The following C9orf40 variants were observed in gnomAD, a reference collection of about 807,000 sequenced individuals.
The protein encoded by C9orf40 is uncharacterized protein C9orf40.
In C9orf40, 2 loss-of-function variants were observed where a neutral mutation model predicts 7.9. The observed-to-expected ratio is 0.25, with a 90% CI of 0.10 to 0.80. C9orf40 has a LOEUF of 0.80. Among genes scored for constraint, C9orf40 ranks in the 30% least tolerant of loss-of-function variants. C9orf40 has a pLI of 0.68. For missense variants in C9orf40, 256 were observed against 268.5 expected, an observed-to-expected ratio of 0.95 and a Z score of 0.33; for synonymous variants, 113 against 117.6, an observed-to-expected ratio of 0.96 and a Z score of 0.25.
intron 1 of C9orf40, among the ~76,000 whole-genome samples, chr9:74,951,317 C>A (rs913972339): frequency 6.6e-6 from 1 of 151,734 alleles, no homozygotes; most frequent in African/African-American, 2.4e-5. Context: ...TTTGAGACAG[C>A]GTCTCACTCT....
chr9:74,950,385 A>G (rs576550341), intron 1 of C9orf40, among the ~76,000 whole-genome samples: 3 of 152,328 alleles, frequency 2.0e-5, no homozygotes, highest in South Asian at 2.1e-4. Context: ...TGTATTCTGT[A>G]TTCTGGTAGG....
chr9:74,952,190 C>A lies in C9orf40; in HGVS notation c.422G>T (p.Arg141Leu). 3 of 229,786 alleles carry A rather than the reference C, an allele frequency of 1.3e-5. No homozygotes were observed. The highest frequency in any genetic ancestry group is 1.5e-4 in the South Asian group (1 of 6,788). The allele number at this position is 229,786 out of a possible 1,614,324, so 14.2% of individuals were successfully genotyped here. Residue 141 changes from arginine to leucine, a missense_variant, in exon 1 of 2, where the codon CGC (arginine) becomes CTC (leucine). By Grantham distance (102) the Arg-to-Leu change is moderately radical. Transcript: ENST00000376854. The surrounding 1 kb of genome is among the most constrained non-coding windows in gnomAD (Gnocchi z 5.4). ...PPRGDWGVAS[R>L]QHNEEFWQYN... Reference sequence around the variant, plus strand: ...CCACCCGCCCCCAGCCCCTACCTGGCGCGATGCGACCCCCCAGTCTCCCCG... The same window carrying A: ...CCACCCGCCCCCAGCCCCTACCTGGAGCGATGCGACCCCCCAGTCTCCCCG...
chr9:74,952,671 G>C lies in C9orf40; in HGVS notation c.-60C>G. ...GGGAGACCGAGTGCCGATAGCTGCG[G>C]GGGGCGAAGAGCGAGGACTGAGCGC... is the stretch of plus-strand genomic sequence containing the variant. On this transcript the variant is annotated 5_prime_UTR_variant, in exon 1 of 2. Transcript: ENST00000376854. This position sits in a 1 kb window ranked among gnomAD's most constrained non-coding sequence, Gnocchi z 5.4. The C allele has an allele frequency of 6.9e-7, 1 of 1,447,190 alleles. No homozygotes were observed. The highest frequency in any genetic ancestry group is 1.3e-5 in the South Asian group (1 of 77,166). 89.6% of individuals were successfully genotyped at this position (1,447,190 alleles called of 1,614,324 possible).
At position 74,952,703 on chromosome 9, in the gene C9orf40, G is replaced by A. The variant is rs1832322082; in HGVS notation, c.-92C>T. 3.2e-6 allele frequency: 4 copies of A among 1,253,558 alleles called. No individual in the cohort carries two copies. Among genetic ancestry groups the A allele is most frequent in the South Asian group, 1.5e-5 (1 of 67,472 alleles). The allele number at this position is 1,253,558 out of a possible 1,614,324, so 77.7% of individuals were successfully genotyped here. A position where few individuals can be genotyped will look rare whatever the true frequency, so the allele number is the denominator to read the frequency against. ...AAGAGCGAGGACTGAGCGCGTGAGA[G>A]AGGGACAGGCCGAAGTCGGGCGAGG... On this transcript the variant is annotated 5_prime_UTR_variant, in exon 1 of 2. Transcript: ENST00000376854. This position sits in a 1 kb window ranked among gnomAD's most constrained non-coding sequence, Gnocchi z 5.4.
chr9:74,952,737 G>C lies in C9orf40; in HGVS notation c.-126C>G. On this transcript the variant is annotated 5_prime_UTR_variant, in exon 1 of 2. Transcript: ENST00000376854. This position sits in a 1 kb window ranked among gnomAD's most constrained non-coding sequence, Gnocchi z 5.4. ...GCCGAAGTCGGGCGAGGAGGCGACA[G>C]GACGCTGGAGGGGGTAGGGCGGGGC... is the stretch of plus-strand genomic sequence containing the variant. The C allele has an allele frequency of 1.3e-5, 11 of 846,482 alleles. No individual in the cohort carries two copies. Among genetic ancestry groups the C allele is most frequent in the Non-Finnish European group, 1.9e-5 (11 of 568,718 alleles). The allele number at this position is 846,482 out of a possible 1,614,324, so 52.4% of individuals were successfully genotyped here.
At chr9:74,948,257 AAGTTTT>A (rs760268358) in intron 1 of C9orf40, 51 bp from the exon 2 acceptor site, 1 of 1,430,574 alleles carries the variant, frequency 7.0e-7, no homozygotes, top group Non-Finnish European at 9.4e-7. Context: ...AGAAAAAATT[AAGTTTT>A]TTTCAGAAAA....
Position 74,952,487 on chromosome 9 carries a change from T to G in C9orf40, c.125A>C (p.His42Pro). The change falls in exon 1 of 2, where the codon CAT (histidine) becomes CCT (proline). Residue 42 changes from histidine to proline, a missense_variant. By Grantham distance (77) the His-to-Pro change is moderately conservative. Coordinates refer to ENST00000376854, the MANE Select transcript of C9orf40 (RefSeq NM_017998.3). This position sits in a 1 kb window ranked among gnomAD's most constrained non-coding sequence, Gnocchi z 5.4. ...TGGGACGCCGAGGAGCTGCCCAGCATGCGCGACCCCGGGCGGCCGGATCCA... is the reference window on the plus strand; with the variant it reads ...TGGGACGCCGAGGAGCTGCCCAGCAGGCGCGACCCCGGGCGGCCGGATCCA... Reference protein sequence around the residue: ...PLWIRPPGVAHAGQLLGVPEQ... With the variant: ...PLWIRPPGVAPAGQLLGVPEQ... The G allele has an allele frequency of 6.3e-7, 1 of 1,596,944 alleles. No individual in the cohort carries two copies. Among genetic ancestry groups the G allele is most frequent in the South Asian group, 1.1e-5 (1 of 90,206 alleles).
chr9:74,947,728 T>G lies in C9orf40; in HGVS notation c.*320A>C, dbSNP rs1796406156. On this transcript the variant is annotated 3_prime_UTR_variant, in exon 2 of 2. Coordinates refer to ENST00000376854, the MANE Select transcript of C9orf40 (RefSeq NM_017998.3). ...GTGCAGATAGGAGGAATATTTGAGT[T>G]TTTCCCACCTATTTCTAAAACTGCT... is the stretch of plus-strand genomic sequence containing the variant. The G allele has an allele frequency of 5.4e-6, 1 of 186,150 alleles. No individual in the cohort carries two copies. Among genetic ancestry groups the G allele is most frequent in the African/African-American group, 2.3e-5 (1 of 42,854 alleles). The allele number at this position is 186,150 out of a possible 1,614,324, so 11.5% of individuals were successfully genotyped here. A position where few individuals can be genotyped will look rare whatever the true frequency, so the allele number is the denominator to read the frequency against.
intron 1 of C9orf40, among the ~76,000 whole-genome samples, chr9:74,951,373 C>T (rs534945272): frequency 1.3e-5 from 2 of 152,296 alleles, no homozygotes; most frequent in South Asian, 2.1e-4. Flanking sequence ...CTCACTGCAA[C>T]CGCCATCTCC....
At chr9:74,950,717 C>T (rs955111124) in intron 1 of C9orf40, among the ~76,000 whole-genome samples, 1 of 151,966 alleles carries the variant, frequency 6.6e-6, no homozygotes, top group Non-Finnish European at 1.5e-5. Context: ...AAAACCCTGA[C>T]ATAAGATACT....
chr9:74,952,670 G>A lies in C9orf40; in HGVS notation c.-59C>T, dbSNP rs1215299425. ...CGGGAGACCGAGTGCCGATAGCTGC[G>A]GGGGGCGAAGAGCGAGGACTGAGCG... On this transcript the variant is annotated 5_prime_UTR_variant, in exon 1 of 2. Transcript: ENST00000376854. The surrounding 1 kb of genome is among the most constrained non-coding windows in gnomAD (Gnocchi z 5.4). 8 of 1,441,942 alleles carry A rather than the reference G, an allele frequency of 5.5e-6. No individual in the cohort carries two copies. In the East Asian group the frequency reaches 2.0e-4, roughly 37 times the overall value. The allele number at this position is 1,441,942 out of a possible 1,614,324, so 89.3% of individuals were successfully genotyped here.
intron 1 of C9orf40, among the ~76,000 whole-genome samples, chr9:74,951,295 C>G (rs1220265137): frequency 1.3e-5 from 1 of 74,238 alleles, no homozygotes. Flanking sequence ...TCTTTCTTTT[C>G]TTTTCTTTTT....
chr9:74,949,783 C>A (rs994949155), intron 1 of C9orf40, among the ~76,000 whole-genome samples: 1 of 152,116 alleles, frequency 6.6e-6, no homozygotes, highest in Non-Finnish European at 1.5e-5. Context: ...GAAGGAGAAA[C>A]AGAAGCTGGA....
chr9:74,947,937 G>T lies in C9orf40; in HGVS notation c.*111C>A. On this transcript the variant is annotated 3_prime_UTR_variant, in exon 2 of 2. Transcript: ENST00000376854. ...AGAACAATCTTTCTTCATTTCTCAG[G>T]TTTGGAAATATAACTTCAAGTATGG... is the stretch of plus-strand genomic sequence containing the variant. The T allele has an allele frequency of 9.5e-7, 1 of 1,056,814 alleles. No homozygotes were observed. The highest frequency in any genetic ancestry group is 1.4e-6 in the Non-Finnish European group (1 of 721,368). 65.5% of individuals were successfully genotyped at this position (1,056,814 alleles called of 1,614,324 possible).
Position 74,952,300 on chromosome 9 carries a change from T to A in C9orf40, c.312A>T (p.Val104=), listed in dbSNP as rs1375294180. ...GGAGCTCCTCCCCCGGCCCCGGCAG[T>A]ACGGGCGGCGGCGGCAGCGGCGGAT... is the stretch of plus-strand genomic sequence containing the variant. The part of the protein sequence containing the change: ...TGDPPLPPPP[V]LPGPGEELPG... Residue 104 remains valine, a synonymous_variant, in exon 1 of 2, where the codon GTA becomes GTT. Coordinates refer to ENST00000376854, the MANE Select transcript of C9orf40 (RefSeq NM_017998.3). The surrounding 1 kb of genome is among the most constrained non-coding windows in gnomAD (Gnocchi z 5.4). The A allele has an allele frequency of 1.5e-6, 2 of 1,360,916 alleles. No individual in the cohort carries two copies. The highest frequency in any genetic ancestry group is 6.6e-5 in the Admixed American group (2 of 30,252). The allele number at this position is 1,360,916 out of a possible 1,614,324, so 84.3% of individuals were successfully genotyped here. A position where few individuals can be genotyped will look rare whatever the true frequency, so the allele number is the denominator to read the frequency against.
At chr9:74,950,144 G>A (rs1367498293) in intron 1 of C9orf40, among the ~76,000 whole-genome samples, 5 of 152,204 alleles carry the variant, frequency 3.3e-5, no homozygotes, top group Admixed American at 6.5e-5. Flanking sequence ...AAGAGAACAA[G>A]GGTAGTCTTG....
chr9:74,952,433 G>A lies in C9orf40; in HGVS notation c.179C>T (p.Ala60Val), dbSNP rs1278960850. 4 of 1,600,298 alleles carry A rather than the reference G, an allele frequency of 2.5e-6. No individual in the cohort carries two copies. Among genetic ancestry groups the A allele is most frequent in the Admixed American group, 3.4e-5 (2 of 59,612 alleles). The stretch of plus-strand genomic sequence containing the variant: ...AGCCGAGGGCTCTGCCATGGTCCCT[G>A]CGTCGATTTTGCGCTTTCGGTGCTG... ...PEQHRKRKIDAGTMAEPSASP... is the reference protein window; with the variant it reads ...PEQHRKRKIDVGTMAEPSASP... Residue 60 changes from alanine (A) to valine (V), a missense_variant, in exon 1 of 2, where the codon GCA (alanine) becomes GTA (valine). Ala to Val is a moderately conservative substitution (Grantham distance 64). Transcript: ENST00000376854. The surrounding 1 kb of genome is among the most constrained non-coding windows in gnomAD (Gnocchi z 5.4).
chr9:74,950,563 GTT>G (rs1832284709), intron 1 of C9orf40, among the ~76,000 whole-genome samples: 1 of 145,644 alleles, frequency 6.9e-6, no homozygotes, highest in Non-Finnish European at 1.5e-5. Context: ...TGAAGAAAAA[GTT>G]TAAATAAGGC....
chr9:74,952,762 C>G lies in C9orf40; in HGVS notation c.-151G>C. ...GGACGCTGGAGGGGGTAGGGCGGGG[C>G]AGCTCGCGCAGGGCCTAGGGCTGGG... On this transcript the variant is annotated 5_prime_UTR_variant, in exon 1 of 2. Coordinates refer to ENST00000376854, the MANE Select transcript of C9orf40 (RefSeq NM_017998.3). This position sits in a 1 kb window ranked among gnomAD's most constrained non-coding sequence, Gnocchi z 5.4. The G allele has an allele frequency of 1.5e-6, 1 of 663,534 alleles. No individual in the cohort carries two copies. Among genetic ancestry groups the G allele is most frequent in the South Asian group, 2.1e-5 (1 of 48,636 alleles). The allele number at this position is 663,534 out of a possible 1,614,324, so 41.1% of individuals were successfully genotyped here. A position where few individuals can be genotyped will look rare whatever the true frequency, so the allele number is the denominator to read the frequency against.
Sources: allele counts gnomAD v4.1 joint callset (sites outside exome capture counted in the v4.1 genomes callset), GRCh38; gene constraint gnomAD v4.1.1; non-coding constraint Gnocchi (gnomAD v3.1); transcripts MANE v1.5; gene names NCBI Gene and HGNC (gene_info 2026-07-23, HGNC 2026-07-21).